RIMS2: variants seen among roughly 807,000 people sequenced by gnomAD.
RIMS2 encodes regulating synaptic membrane exocytosis 2.
RIMS2 carries 59 observed loss-of-function variants against 174.4 expected under a neutral mutation model. The ratio of observed to expected loss-of-function variants is 0.34; its 90% CI spans 0.27 to 0.42. RIMS2 has a LOEUF of 0.42. Among genes scored for constraint, RIMS2 ranks in the 10% least tolerant of loss-of-function variants. The pLI is 1.00. For missense variants in RIMS2, 1,620 were observed against 1,666.3 expected (o/e 0.97, Z 0.48); for synonymous variants, 606 against 572.5 (o/e 1.06, Z -0.84).
intron 17 of RIMS2, among the ~76,000 whole-genome samples, chr8:104,008,079 A>G (rs955516200): frequency 6.6e-6 from 1 of 152,176 alleles, no homozygotes; most frequent in African/African-American, 2.4e-5. Flanking sequence ...CTGATATAAT[A>G]CAATAGCAAT....
intron 1 of RIMS2, among the ~76,000 whole-genome samples, chr8:103,558,905 A>G (rs1219742496): frequency 1.3e-5 from 2 of 152,080 alleles, no homozygotes; most frequent in African/African-American, 4.8e-5. Context: ...CTCTGTTACA[A>G]ATTCTTGTGG....
At chr8:103,926,463 CAGAGAG>C (rs910178754) in intron 10 of RIMS2, among the ~76,000 whole-genome samples, 4 of 151,128 alleles carry the variant, frequency 2.6e-5, no homozygotes, top group Non-Finnish European at 5.9e-5. Context: ...GAGACAGAGA[CAGAGAG>C]AGAGAGATTG....
chr8:103,664,674 G>A (rs1026393777), intron 1 of RIMS2, among the ~76,000 whole-genome samples: 9 of 152,284 alleles, frequency 5.9e-5, no homozygotes, highest in Non-Finnish European at 7.4e-5. Flanking sequence ...TTACACTGTT[G>A]GTGGGAGTGT....
At chr8:103,935,378 T>G (rs1283038791) in intron 12 of RIMS2, among the ~76,000 whole-genome samples, 2 of 152,246 alleles carry the variant, frequency 1.3e-5, no homozygotes, top group African/African-American at 2.4e-5. Flanking sequence ...AATGTCATCT[T>G]TCTGCCATGT....
At chr8:103,594,905 C>T (rs1048497974) in intron 1 of RIMS2, among the ~76,000 whole-genome samples, 2 of 151,750 alleles carry the variant, frequency 1.3e-5, no homozygotes, top group Non-Finnish European at 3.0e-5. Context: ...AACCTGGGAA[C>T]AGTTCAGTGA....
At chr8:103,742,960 A>G (rs549088700) in intron 2 of RIMS2, among the ~76,000 whole-genome samples, 99 of 152,302 alleles carry the variant, frequency 6.5e-4, no homozygotes, top group Admixed American at 1.2e-3. Flanking sequence ...TTATTATAAG[A>G]TAGCGTACCA....
chr8:103,533,281 G>T (rs1316311580), intron 1 of RIMS2, among the ~76,000 whole-genome samples: 2 of 152,182 alleles, frequency 1.3e-5, no homozygotes, highest in African/African-American at 4.8e-5. Context: ...TTCTCAAAGA[G>T]TTGAGGGTAT....
chr8:103,927,972 A>T, intron 11 of RIMS2: 2 of 1,101,090 alleles, frequency 1.8e-6, no homozygotes, highest in Non-Finnish European at 1.3e-6. Flanking sequence ...TAGTAGGAAA[A>T]CTTTTTTTGT....
intron 19 of RIMS2, among the ~76,000 whole-genome samples, chr8:104,189,965 C>T (rs902073266): frequency 6.6e-6 from 1 of 151,976 alleles, no homozygotes; most frequent in Non-Finnish European, 1.5e-5. Context: ...TTGGCCTCTC[C>T]TAAACACCTC....
intron 3 of RIMS2, among the ~76,000 whole-genome samples, chr8:103,767,804 A>G (rs897526942): frequency 2.6e-5 from 4 of 152,224 alleles, no homozygotes; most frequent in African/African-American, 9.7e-5. Context: ...AGTACATGTA[A>G]TCCTATCTTT....
chr8:103,991,577 G>A (rs909064038), intron 17 of RIMS2, among the ~76,000 whole-genome samples: 1 of 152,014 alleles, frequency 6.6e-6, no homozygotes, highest in African/African-American at 2.4e-5. Flanking sequence ...TTCATGAATA[G>A]CATTTTAATC....
chr8:103,593,819 T>G (rs1319476607), intron 1 of RIMS2, among the ~76,000 whole-genome samples: 1 of 151,182 alleles, frequency 6.6e-6, no homozygotes, highest in Non-Finnish European at 1.5e-5. Flanking sequence ...TAATTAAAAA[T>G]CAATTTAAAA....
intron 19 of RIMS2, among the ~76,000 whole-genome samples, chr8:104,203,020 C>T (rs1429396878): frequency 3.3e-5 from 5 of 152,060 alleles, no homozygotes; most frequent in Admixed American, 2.6e-4. Flanking sequence ...ATTCTCTTCA[C>T]GTGAAGTTGT....
chr8:104,201,736 C>T (rs2099055916), intron 19 of RIMS2, among the ~76,000 whole-genome samples: 2 of 152,022 alleles, frequency 1.3e-5, no homozygotes, highest in Admixed American at 6.5e-5. Flanking sequence ...CATCTATTTT[C>T]TTTGGTGATT....
intron 3 of RIMS2, among the ~76,000 whole-genome samples, chr8:103,810,394 A>G (rs2098679024): frequency 6.6e-6 from 1 of 152,160 alleles, no homozygotes; most frequent in Non-Finnish European, 1.5e-5. Context: ...TTTACACTCA[A>G]TCAGTGGCAA....
intron 1 of RIMS2, among the ~76,000 whole-genome samples, chr8:103,521,219 G>A (rs1831512280): frequency 6.6e-5 from 10 of 151,092 alleles, no homozygotes; most frequent in East Asian, 5.9e-4. Context: ...ACACCAACAT[G>A]GCACATGTAT....
chr8:103,662,281 C>T (rs749036392), intron 1 of RIMS2, among the ~76,000 whole-genome samples: 37 of 152,242 alleles, frequency 2.4e-4, no homozygotes, highest in Non-Finnish European at 4.0e-4. Context: ...TTCTAAAATA[C>T]AAATCAGATC....
intron 3 of RIMS2, among the ~76,000 whole-genome samples, chr8:103,785,765 C>T (rs182814250): frequency 6.6e-6 from 1 of 152,320 alleles, no homozygotes; most frequent in African/African-American, 2.4e-5. Flanking sequence ...GCTTTGGTAT[C>T]AGAATGATGC....
At chr8:103,731,216 A>G (rs1343396507) in intron 2 of RIMS2, among the ~76,000 whole-genome samples, 1 of 152,206 alleles carries the variant, frequency 6.6e-6, no homozygotes, top group South Asian at 2.1e-4. Flanking sequence ...ACCATATCAC[A>G]GTGGATGCAC....
Sources: allele counts gnomAD v4.1 joint callset (sites outside exome capture counted in the v4.1 genomes callset), GRCh38; gene constraint gnomAD v4.1.1; transcripts MANE v1.5; gene names NCBI Gene and HGNC (gene_info 2026-07-23, HGNC 2026-07-21).